The following PLCH1 variants were observed in gnomAD, a reference collection of about 807,000 sequenced individuals.
The protein encoded by PLCH1 is 1-phosphatidylinositol 4,5-bisphosphate phosphodiesterase eta-1.
PLCH1 carries 60 observed loss-of-function variants against 126.7 expected under a neutral mutation model. That is an observed-to-expected ratio of 0.47 (90% confidence interval 0.38 to 0.59). PLCH1 has a LOEUF of 0.59. Ranked by LOEUF, PLCH1 falls within the 20% of genes least tolerant of loss-of-function variation. The pLI is 0.00. For synonymous variants in PLCH1, 719 were observed against 734.9 expected (o/e 0.98, Z 0.35); for missense variants, 1,723 against 2,040.0 (o/e 0.84, Z 2.99).
In PLCH1 at chr3:155,492,255, T is replaced by C. The variant is rs911307206; in HGVS notation, c.2307+474A>G. 1.4e-4 allele frequency among the ~76,000 whole-genome samples: 21 copies of C among 152,052 alleles called. 1 individual carries two copies. Among genetic ancestry groups the C allele is most frequent in the Admixed American group, 1.3e-3 (20 of 15,280 alleles). On this transcript the variant is annotated intron_variant, in intron 18 of 22. Transcript: ENST00000460012. ...AGAGCTCTGGAAAGAAAAAAGACTG[T>C]GGCCGCAGATGAAGACATTTTAAAA...
rs138334304 is a variant in PLCH1 at position 155,578,845 on chromosome 3, T to G, written c.771+4627A>C. 7.9e-5 allele frequency among the ~76,000 whole-genome samples: 12 copies of G among 152,182 alleles called. No individual in the cohort carries two copies. The East Asian group carries it at 2.3e-3, about 29-fold the overall frequency. ...GCCTTCCCCCCAGCCCTTCCACCCA[T>G]AAAACCTAGGAAGAATTTTCTGAGC... is the stretch of plus-strand genomic sequence containing the variant. On this transcript the variant is annotated intron_variant, in intron 6 of 22. Coordinates refer to ENST00000460012, the MANE Select transcript of PLCH1 (RefSeq NM_014996.4).
At chr3:155,628,997 C>T (rs1737698057) in intron 2 of PLCH1, among the ~76,000 whole-genome samples, 1 of 152,180 alleles carries the variant, frequency 6.6e-6, no homozygotes, top group African/African-American at 2.4e-5. Context: ...ACTGAACAAC[C>T]TGGATTTAAA....
At chr3:155,675,949 T>C (rs1744040897) in intron 2 of PLCH1, 2 of 955,798 alleles carry the variant, frequency 2.1e-6, no homozygotes, top group Non-Finnish European at 3.2e-6. Context: ...TTACCATCTT[T>C]TACTAGGACT....
At chr3:155,573,838 A>T (rs1729570095) in intron 6 of PLCH1, among the ~76,000 whole-genome samples, 1 of 152,200 alleles carries the variant, frequency 6.6e-6, no homozygotes, top group Non-Finnish European at 1.5e-5. Flanking sequence ...GGCAGTTATT[A>T]TAGCCATCTT....
intron 5 of PLCH1, 33 bp downstream of exon 5, chr3:155,586,032 T>G: frequency 6.2e-7 from 1 of 1,603,758 alleles, no homozygotes; most frequent in Non-Finnish European, 8.5e-7. Flanking sequence ...TCTGTGTATT[T>G]TATATAAGGC....
intron 2 of PLCH1, among the ~76,000 whole-genome samples, chr3:155,653,092 TAGATAC>T (rs766462518): frequency 2.6e-5 from 4 of 151,892 alleles, no homozygotes; most frequent in Admixed American, 6.6e-5. Flanking sequence ...GGAAGATATA[TAGATAC>T]AGATACAGAT....
intron 1 of PLCH1, among the ~76,000 whole-genome samples, chr3:155,740,877 C>T (rs545356345): frequency 4.8e-4 from 73 of 152,226 alleles, no homozygotes; most frequent in Middle Eastern, 3.4e-3. Flanking sequence ...CAGATTTATA[C>T]GATACATATG....
At chr3:155,738,627 CA>C (rs1259466244) in intron 1 of PLCH1, among the ~76,000 whole-genome samples, 6 of 148,570 alleles carry the variant, frequency 4.0e-5, no homozygotes, top group East Asian at 2.0e-4. Flanking sequence ...ACTAAAAATA[CA>C]AAAAAAAAAT....
At chr3:155,596,179 A>C in intron 3 of PLCH1, 53 bp downstream of exon 3, 1 of 1,404,840 alleles carries the variant, frequency 7.1e-7, no homozygotes, top group Non-Finnish European at 1.0e-6. Flanking sequence ...CACTCAGTAT[A>C]ACCCGTGTGT....
At chr3:155,486,517 T>G (rs968129395) in intron 21 of PLCH1, among the ~76,000 whole-genome samples, 4 of 143,556 alleles carry the variant, frequency 2.8e-5, no homozygotes, top group African/African-American at 5.3e-5. Flanking sequence ...AAGTTTGTTT[T>G]TTTTTTTTTT....
chr3:155,555,583 T>G (rs930317274), intron 8 of PLCH1, among the ~76,000 whole-genome samples: 2 of 152,214 alleles, frequency 1.3e-5, no homozygotes, highest in Non-Finnish European at 2.9e-5. Context: ...AAAAGGACAA[T>G]GTTGCCTTAA....
chr3:155,671,632 G>A (rs980315220), intron 2 of PLCH1, among the ~76,000 whole-genome samples: 1 of 152,156 alleles, frequency 6.6e-6, no homozygotes, highest in Non-Finnish European at 1.5e-5. Flanking sequence ...GAGAGTGATG[G>A]TCACTAGGTA....
rs576618009 is a variant in PLCH1, at chr3:155,591,100, C to T, written c.470+2841G>A. On this transcript the variant is annotated intron_variant, in intron 4 of 22. Coordinates refer to ENST00000460012, the MANE Select transcript of PLCH1 (RefSeq NM_014996.4). ...CAACAAAGCAAAAAGATGATTTATGCCCATCTCTAACTCATCTCTTTCAAG... is the reference window on the plus strand; with the variant it reads ...CAACAAAGCAAAAAGATGATTTATGTCCATCTCTAACTCATCTCTTTCAAG... Among the ~76,000 whole-genome samples, 116 of 152,262 alleles carry T rather than the reference C, an allele frequency of 7.6e-4. 1 individual carries two copies. The highest frequency in any genetic ancestry group is 2.7e-3 in the African/African-American group (114 of 41,544).
chr3:155,505,376 T>C (rs958402314), intron 12 of PLCH1, among the ~76,000 whole-genome samples: 20 of 152,154 alleles, frequency 1.3e-4, no homozygotes, highest in African/African-American at 4.3e-4. Context: ...CTCTTATTCA[T>C]TTGTCATCCT....
chr3:155,499,069 A>ACATGTGTTAT (rs1717502564), intron 14 of PLCH1, among the ~76,000 whole-genome samples: 1 of 152,230 alleles, frequency 6.6e-6, no homozygotes, highest in Admixed American at 6.5e-5. Flanking sequence ...AACAGAAATA[A>ACATGTGTTAT]CATGTGTTAT....
At chr3:155,502,012 A>ACG (rs562670092) in intron 13 of PLCH1, among the ~76,000 whole-genome samples, 5 of 151,660 alleles carry the variant, frequency 3.3e-5, no homozygotes, top group African/African-American at 1.2e-4. Flanking sequence ...CTTCTCCTAA[A>ACG]CCCCCCCAAA....
chr3:155,736,270 C>T (rs968296695), intron 1 of PLCH1, among the ~76,000 whole-genome samples: 1 of 152,088 alleles, frequency 6.6e-6, no homozygotes, highest in Admixed American at 6.5e-5. Context: ...TAGTGATTTA[C>T]CCAGTAAATA....
chr3:155,610,838 T>C (rs1734987216), intron 2 of PLCH1, among the ~76,000 whole-genome samples: 1 of 151,872 alleles, frequency 6.6e-6, no homozygotes, highest in Admixed American at 6.6e-5. Flanking sequence ...AAAACTAGCA[T>C]GATGAATATA....
At chr3:155,634,376 A>G (rs1347906713) in intron 2 of PLCH1, among the ~76,000 whole-genome samples, 1 of 152,170 alleles carries the variant, frequency 6.6e-6, no homozygotes, top group Non-Finnish European at 1.5e-5. Context: ...TGCGCAAGGT[A>G]GTTTTGGGGG....
Sources: allele counts gnomAD v4.1 joint callset (sites outside exome capture counted in the v4.1 genomes callset), GRCh38; gene constraint gnomAD v4.1.1; transcripts MANE v1.5; gene names NCBI Gene and HGNC (gene_info 2026-07-23, HGNC 2026-07-21).